The following CRYBG1 variants were observed in gnomAD, a reference collection of about 807,000 sequenced individuals.
CRYBG1 encodes crystallin beta-gamma domain containing 1.
In CRYBG1, 139 loss-of-function variants were observed where a neutral mutation model predicts 189.2. The observed-to-expected ratio is 0.73, with a 90% CI of 0.64 to 0.85. The LOEUF (loss-of-function observed/expected upper bound fraction) is 0.85, where lower values mean the gene tolerates loss of function less well. Among genes scored for constraint, CRYBG1 ranks in the 40% least tolerant of loss-of-function variants. CRYBG1 has a pLI of 0.00. For missense variants in CRYBG1, 2,611 were observed against 2,675.8 expected (o/e 0.98, Z 0.53); for synonymous variants, 1,023 against 1,017.1 (o/e 1.01, Z -0.11).
At chr6:106,433,682 C>T (rs1771382645) in intron 1 of CRYBG1, among the ~76,000 whole-genome samples, 1 of 140,734 alleles carries the variant, frequency 7.1e-6, no homozygotes, top group Non-Finnish European at 1.5e-5. Context: ...TTGCATCTGA[C>T]AGTTTTTGTT....
intron 1 of CRYBG1, among the ~76,000 whole-genome samples, chr6:106,425,979 C>G (rs1020616219): frequency 6.6e-6 from 1 of 152,186 alleles, no homozygotes; most frequent in African/African-American, 2.4e-5. Flanking sequence ...TGCATGGGCC[C>G]TAAGTGCTGA....
chr6:106,475,230 T>G (rs1313356748), intron 2 of CRYBG1, among the ~76,000 whole-genome samples: 1 of 152,260 alleles, frequency 6.6e-6, no homozygotes, highest in Non-Finnish European at 1.5e-5. Context: ...TAACTGAAAC[T>G]TACTTACTTA....
At chr6:106,517,984 A>G (rs1397610086) in intron 3 of CRYBG1, among the ~76,000 whole-genome samples, 2 of 152,252 alleles carry the variant, frequency 1.3e-5, no homozygotes, top group African/African-American at 4.8e-5. Flanking sequence ...CAACAGTTGC[A>G]TAATTGATAA....
At chr6:106,381,363 G>T (rs530641648) in intron 1 of CRYBG1, among the ~76,000 whole-genome samples, 1 of 152,228 alleles carries the variant, frequency 6.6e-6, no homozygotes, top group East Asian at 1.9e-4. Context: ...CCATTTCCTG[G>T]GTGTGTTACC....
At chr6:106,525,028 A>G (rs926629185) in intron 4 of CRYBG1, 105 bp from the exon 5 acceptor site, 11 of 1,144,966 alleles carry the variant, frequency 9.6e-6, no homozygotes, top group Non-Finnish European at 1.4e-5. Flanking sequence ...CAAAATCGAT[A>G]CAATGTGGGA....
intron 1 of CRYBG1, among the ~76,000 whole-genome samples, chr6:106,432,187 TGAATCACTGTCAATGC>T (rs1264045868): frequency 6.6e-6 from 1 of 152,148 alleles, no homozygotes; most frequent in Non-Finnish European, 1.5e-5. Flanking sequence ...CCTTGGGAGA[TGAATCACTGTCAATGC>T]GAAGAGGAGT....
At chr6:106,415,636 G>A (rs1771008189) in intron 1 of CRYBG1, among the ~76,000 whole-genome samples, 1 of 152,110 alleles carries the variant, frequency 6.6e-6, no homozygotes, top group African/African-American at 2.4e-5. Flanking sequence ...TGAGATGGGA[G>A]GATTGCTTGA....
At chr6:106,539,779 T>C (rs1233069739) in intron 9 of CRYBG1, among the ~76,000 whole-genome samples, 1 of 150,376 alleles carries the variant, frequency 6.6e-6, no homozygotes, top group Non-Finnish European at 1.5e-5. Context: ...GAGCTGCAGA[T>C]GGGTGCGCAA....
intron 2 of CRYBG1, among the ~76,000 whole-genome samples, chr6:106,504,696 T>C (rs1245717347): frequency 1.3e-5 from 2 of 152,012 alleles, no homozygotes; most frequent in Admixed American, 6.6e-5. Flanking sequence ...AGGCCACATA[T>C]ATTATCCCAA....
rs773232706 is a variant in CRYBG1 at position 106,520,843 on chromosome 6, A to T, written c.3635A>T (p.Glu1212Val). 1.9e-6 allele frequency: 3 copies of T among 1,614,172 alleles called. No individual in the cohort carries two copies. The highest frequency in any genetic ancestry group is 1.7e-5 in the Admixed American group (1 of 60,014). ...CACACCAACACTAATGGGAACAGTG[A>T]GCCTCTGGTGATGCCGGAAATCAAT... is the stretch of plus-strand genomic sequence containing the variant. ...SLHTNTNGNS[E>V]PLVMPEINDK... Residue 1212 changes from glutamate to valine, a missense_variant, in exon 4 of 22, where the codon GAG becomes GTG. Physicochemically the swap from Glu to Val is moderately radical, Grantham distance 121. This residue lies in a region of CRYBG1 where 1,622 missense variants were observed against 1,735.0 expected (regional missense o/e 0.93). Coordinates refer to ENST00000633556, the MANE Select transcript of CRYBG1 (RefSeq NM_001371242.2).
At chr6:106,470,864 A>G (rs1194949723) in intron 2 of CRYBG1, among the ~76,000 whole-genome samples, 1 of 152,166 alleles carries the variant, frequency 6.6e-6, no homozygotes, top group Non-Finnish European at 1.5e-5. Flanking sequence ...TGCTTTGCAA[A>G]CAAGGAAAAT....
chr6:106,519,250 TCTC>T lies in CRYBG1; in HGVS notation c.2045_2047del (p.Ser682del). On this transcript the variant is annotated inframe_deletion, in exon 4 of 22. Coordinates refer to ENST00000633556, the MANE Select transcript of CRYBG1 (RefSeq NM_001371242.2). ...CACAAAGGCAACACTGCCACCAAAA[TCTC>T]CTTATTTGAAAACAAACGGACAAAC... 1 of 1,613,794 alleles carries T rather than the reference TCTC, an allele frequency of 6.2e-7. No homozygotes were observed. Among genetic ancestry groups the T allele is most frequent in the Non-Finnish European group, 8.5e-7 (1 of 1,179,978 alleles).
chr6:106,427,210 C>T (rs948395855), intron 1 of CRYBG1, among the ~76,000 whole-genome samples: 4 of 152,104 alleles, frequency 2.6e-5, no homozygotes, highest in Non-Finnish European at 5.9e-5. Flanking sequence ...CGTTTATATC[C>T]CCAATATCCA....
chr6:106,406,605 A>G (rs1397560212), intron 1 of CRYBG1, among the ~76,000 whole-genome samples: 1 of 152,260 alleles, frequency 6.6e-6, no homozygotes, highest in African/African-American at 2.4e-5. Context: ...CAAGGTTGAA[A>G]TGAAGGAAAA....
intron 8 of CRYBG1, among the ~76,000 whole-genome samples, chr6:106,530,638 T>C (rs1204362123): frequency 6.6e-6 from 1 of 151,336 alleles, no homozygotes; most frequent in Non-Finnish European, 1.5e-5. Context: ...TCAGAGGAGG[T>C]AATTCAAAGC....
At chr6:106,538,718 C>A (rs1200757633) in intron 8 of CRYBG1, among the ~76,000 whole-genome samples, 1 of 151,882 alleles carries the variant, frequency 6.6e-6, no homozygotes, top group Non-Finnish European at 1.5e-5. Context: ...TATGGTGAGA[C>A]CCCCTCTACT....
intron 2 of CRYBG1, among the ~76,000 whole-genome samples, chr6:106,497,179 C>T (rs1772869940): frequency 1.3e-5 from 2 of 151,404 alleles, no homozygotes; most frequent in Non-Finnish European, 2.9e-5. Context: ...CAGCCCAAGA[C>T]AGAATCTAAT....
intron 2 of CRYBG1, among the ~76,000 whole-genome samples, chr6:106,476,668 C>G (rs1037839817): frequency 1.2e-4 from 18 of 152,170 alleles, no homozygotes; most frequent in African/African-American, 4.3e-4. Context: ...CCCCATGAAT[C>G]ACTATTAAAA....
chr6:106,470,917 C>A (rs895120978), intron 2 of CRYBG1, among the ~76,000 whole-genome samples: 2 of 152,136 alleles, frequency 1.3e-5, no homozygotes, highest in African/African-American at 4.8e-5. Context: ...TGTGGCTGGG[C>A]TCAATAAAGA....
Sources: allele counts gnomAD v4.1 joint callset (sites outside exome capture counted in the v4.1 genomes callset), GRCh38; gene constraint gnomAD v4.1.1; regional missense constraint gnomAD v4.1.1; transcripts MANE v1.5; gene names NCBI Gene and HGNC (gene_info 2026-07-23, HGNC 2026-07-21).